The following SLCO1B3 variants were observed in gnomAD, a reference collection of about 807,000 sequenced individuals.
SLCO1B3 encodes liver-specific organic anion transporter 2.
Under a neutral mutation model 71.8 loss-of-function variants are expected in SLCO1B3, and 72 were observed. That is an observed-to-expected ratio of 1.00 (90% CI 0.83 to 1.22). The LOEUF (loss-of-function observed/expected upper bound fraction) is 1.22. Ranked by LOEUF, SLCO1B3 falls within the 50% of genes most tolerant of loss-of-function variation. The probability of loss-of-function intolerance (pLI) is 0.00; values close to 1 mark genes in which losing one functional copy is unlikely to be tolerated. For synonymous variants in SLCO1B3, 298 were observed against 278.4 expected (o/e 1.07, Z -0.70); for missense variants, 911 against 819.7 (o/e 1.11, Z -1.36).
rs1307891885 is a variant in SLCO1B3 at position 20,880,934 on chromosome 12, G to T, written c.1411G>T (p.Glu471Ter). Reference sequence around the variant, plus strand: ...GTGCAATTGTGATGAAAGTCAGTGGGAACCAGTCTGTGGGAACAATGGAAT... The same window carrying T: ...GTGCAATTGTGATGAAAGTCAGTGGTAACCAGTCTGTGGGAACAATGGAAT... ...SECNCDESQW[E>*]PVCGNNGITY... The change falls in exon 12 of 16, where the codon GAA (glutamate) becomes TAA (stop). Residue 471 changes from glutamate (E) to a stop codon, truncating the protein, a stop_gained. Coordinates refer to ENST00000381545, the MANE Select transcript of SLCO1B3 (RefSeq NM_019844.4). LOFTEE classifies it high-confidence loss of function. 6.2e-7 allele frequency: 1 copy of T among 1,611,558 alleles called. No individual in the cohort carries two copies. The highest frequency in any genetic ancestry group is 1.3e-5 in the African/African-American group (1 of 74,798).
At chr12:20,814,706 C>T (rs919080641) in intron 2 of SLCO1B3, among the ~76,000 whole-genome samples, 4 of 151,956 alleles carry the variant, frequency 2.6e-5, no homozygotes, top group Admixed American at 6.6e-5. Context: ...CTGGCTAACA[C>T]GGTGAAACCC....
intron 4 of SLCO1B3, 87 bp downstream of exon 4, chr12:20,855,256 G>C (rs1865110279): frequency 8.6e-7 from 1 of 1,160,492 alleles, no homozygotes. Flanking sequence ...ACTGGGTCTG[G>C]ACTAGGTGTA....
chr12:20,896,773 T>C (rs1038180717), intron 13 of SLCO1B3, among the ~76,000 whole-genome samples: 5 of 152,194 alleles, frequency 3.3e-5, no homozygotes, highest in African/African-American at 1.2e-4. Context: ...ACTGTATTAG[T>C]TTGTTTTTAC....
intron 13 of SLCO1B3, among the ~76,000 whole-genome samples, chr12:20,893,059 G>T (rs1865934059): frequency 6.6e-6 from 1 of 152,178 alleles, no homozygotes; most frequent in Admixed American, 6.6e-5. Flanking sequence ...TATGACCTGT[G>T]AAGAGGTTAG....
chr12:20,862,473 T>C lies in SLCO1B3; in HGVS notation c.543T>C (p.Arg181=). The C allele has an allele frequency of 1.2e-6, 2 of 1,613,148 alleles. No homozygotes were observed. Among genetic ancestry groups the C allele is most frequent in the South Asian group, 1.1e-5 (1 of 90,968 alleles). ...WIYVFMGNML[R]GIGETPIVPL... ...ATGTCTTCATGGGGAATATGCTTCGTGGCATAGGGGAAACCCCCATAGTAC... is the reference window on the plus strand; with the variant it reads ...ATGTCTTCATGGGGAATATGCTTCGCGGCATAGGGGAAACCCCCATAGTAC... Residue 181 remains arginine, a synonymous_variant, in exon 7 of 16, where the codon CGT becomes CGC. Transcript: ENST00000381545.
intron 13 of SLCO1B3, among the ~76,000 whole-genome samples, chr12:20,890,853 T>G (rs1489308713): frequency 6.6e-6 from 1 of 152,170 alleles, no homozygotes; most frequent in Non-Finnish European, 1.5e-5. Flanking sequence ...TGGTTTGTAT[T>G]TTCATAGAAT....
At chr12:20,814,673 G>A (rs1214286895) in intron 2 of SLCO1B3, among the ~76,000 whole-genome samples, 1 of 152,082 alleles carries the variant, frequency 6.6e-6, no homozygotes, top group East Asian at 1.9e-4. Context: ...GGCGGATCAG[G>A]AGGTCAGGAG....
chr12:20,868,914 A>G (rs1865423533), intron 8 of SLCO1B3, among the ~76,000 whole-genome samples: 1 of 152,128 alleles, frequency 6.6e-6, no homozygotes, highest in Non-Finnish European at 1.5e-5. Flanking sequence ...GACAACTTAC[A>G]CCATTATTTC....
chr12:20,891,355 T>A (rs1591784478), intron 13 of SLCO1B3, among the ~76,000 whole-genome samples: 1 of 152,148 alleles, frequency 6.6e-6, no homozygotes, highest in Admixed American at 6.5e-5. Flanking sequence ...GACCCTAATT[T>A]CTTTTGGCTT....
At chr12:20,891,174 G>T (rs774971046) in intron 13 of SLCO1B3, among the ~76,000 whole-genome samples, 3 of 151,958 alleles carry the variant, frequency 2.0e-5, no homozygotes, top group Non-Finnish European at 4.4e-5. Context: ...ATTTCTATAT[G>T]TTAGAACTCC....
chr12:20,858,601 T>C, intron 5 of SLCO1B3, 30 bp downstream of exon 5: 2 of 1,569,128 alleles, frequency 1.3e-6, no homozygotes, highest in South Asian at 2.3e-5. Flanking sequence ...GAGCCATTTA[T>C]TATCAGCTAC....
chr12:20,858,504 G>C lies in SLCO1B3; in HGVS notation c.292G>C (p.Gly98Arg), dbSNP rs751852878. ...GSKLHRPKLI[G>R]IGCLLMGTGS... ...TAAACTACACAGACCGAAGTTAATT[G>C]GAATTGGTTGTCTCCTTATGGGAAC... The change falls in exon 5 of 16, where the codon GGA becomes CGA. Residue 98 changes from glycine to arginine, a missense_variant. Gly to Arg is a moderately radical substitution (Grantham distance 125). Coordinates refer to ENST00000381545, the MANE Select transcript of SLCO1B3 (RefSeq NM_019844.4). The C allele has an allele frequency of 2.5e-6, 4 of 1,596,232 alleles. No individual in the cohort carries two copies. The highest frequency in any genetic ancestry group is 3.3e-5 in the Admixed American group (2 of 59,942).
At chr12:20,880,456 T>C (rs568034870) in intron 11 of SLCO1B3, among the ~76,000 whole-genome samples, 11 of 152,162 alleles carry the variant, frequency 7.2e-5, no homozygotes, top group Middle Eastern at 3.4e-3. Flanking sequence ...CTCAATCTAA[T>C]GCCATTACCT....
At chr12:20,837,751 T>C (rs1293887365) in intron 3 of SLCO1B3, among the ~76,000 whole-genome samples, 1 of 152,198 alleles carries the variant, frequency 6.6e-6, no homozygotes, top group Non-Finnish European at 1.5e-5. Flanking sequence ...TCTTGGTGAA[T>C]GTTCCATGTG....
At chr12:20,859,496 T>TGCC (rs1865211341) in intron 5 of SLCO1B3, among the ~76,000 whole-genome samples, 8 of 146,958 alleles carry the variant, frequency 5.4e-5, no homozygotes, top group African/African-American at 1.2e-4. Flanking sequence ...TTTTTCCCCC[T>TGCC]CTACATTTGG....
intron 4 of SLCO1B3, among the ~76,000 whole-genome samples, chr12:20,856,623 G>C (rs774061343): frequency 3.9e-5 from 6 of 152,116 alleles, no homozygotes; most frequent in Non-Finnish European, 7.4e-5. Context: ...GCAGTGCCCT[G>C]ATGTCATCTC....
At position 20,875,308 on chromosome 12, in the gene SLCO1B3, A is replaced by G. The variant is rs373432026; in HGVS notation, c.801A>G (p.Leu267=). 1.3e-3 allele frequency: 2,144 copies of G among 1,613,366 alleles called. 51 individuals carry two copies. The South Asian group carries it at 0.022, about 17-fold the overall frequency. The part of the protein sequence containing the change: ...AWWLGFLVSG[L]FSIISSIPFF... ...GGCTTGGTTTCCTTGTGTCTGGACT[A>G]TTTTCCATTATTTCTTCCATACCAT... Residue 267 remains leucine, a synonymous_variant, in exon 9 of 16, where the codon CTA becomes CTG. Transcript: ENST00000381545.
intron 15 of SLCO1B3, among the ~76,000 whole-genome samples, chr12:20,912,301 T>TTTA (rs1866395681): frequency 7.2e-6 from 1 of 139,664 alleles, no homozygotes; most frequent in African/African-American, 2.7e-5. Context: ...TTATTTTTAT[T>TTTA]TTTATTTATT....
rs573955359 is a variant in SLCO1B3, at chr12:20,816,067, T to C, written c.84+245T>C. Among the ~76,000 whole-genome samples the C allele has an allele frequency of 5.9e-5, 9 of 152,336 alleles. No homozygotes were observed. The South Asian group carries it at 1.7e-3, about 28-fold the overall frequency. On this transcript the variant is annotated intron_variant, in intron 3 of 15. Transcript: ENST00000381545. Reference sequence around the variant, plus strand: ...TTTATTTATTTTTAACTTTTTAATTTTTAATTTTTGTGGGTATGTAGTAGG... The same window carrying C: ...TTTATTTATTTTTAACTTTTTAATTCTTAATTTTTGTGGGTATGTAGTAGG...
Sources: gnomAD v4.1 joint callset for allele counts (sites outside exome capture counted in the v4.1 genomes callset) on GRCh38, gnomAD v4.1.1 for gene constraint, MANE v1.5 for transcripts, NCBI Gene and HGNC (gene_info 2026-07-23, HGNC 2026-07-21) for gene names.